The following PDE1A variants were observed in gnomAD, a reference collection of about 807,000 sequenced individuals.
The protein encoded by PDE1A is phosphodiesterase 1A, also known as dual specificity calcium/calmodulin-dependent 3',5'-cyclic nucleotide phosphodiesterase 1A.
Under a neutral mutation model 61.7 loss-of-function variants are expected in PDE1A, and 35 were observed. The ratio of observed to expected loss-of-function variants is 0.57; its 90% CI spans 0.43 to 0.75. PDE1A has a LOEUF of 0.75. Among genes scored for constraint, PDE1A ranks in the 30% least tolerant of loss-of-function variants. PDE1A has a pLI of 0.00. For missense variants in PDE1A, 597 were observed against 630.6 expected (o/e 0.95, Z 0.57); for synonymous variants, 232 against 213.2 (o/e 1.09, Z -0.77).
chr2:182,639,854 T>A, the PDE1A span, among the ~76,000 whole-genome samples: 1 of 148,118 alleles, frequency 6.8e-6, no homozygotes, highest in Non-Finnish European at 1.5e-5. Context: ...CTGAAACATA[T>A]AATTTATATA....
chr2:182,506,677 T>C (rs769075458), intron 2 of PDE1A, among the ~76,000 whole-genome samples: 1 of 152,242 alleles, frequency 6.6e-6, no homozygotes, highest in Admixed American at 6.5e-5. Context: ...AGAAGAAATA[T>C]GTAGGTGGGG....
At chr2:182,396,229 C>G (rs1701696874) in intron 1 of PDE1A, among the ~76,000 whole-genome samples, 1 of 152,222 alleles carries the variant, frequency 6.6e-6, no homozygotes, top group African/African-American at 2.4e-5. Flanking sequence ...CAAAAGAGGA[C>G]AGCTGCAGCA....
intron 2 of PDE1A, among the ~76,000 whole-genome samples, chr2:182,449,463 T>C (rs1035498888): frequency 6.6e-6 from 1 of 151,876 alleles, no homozygotes; most frequent in African/African-American, 2.4e-5. Flanking sequence ...GCTATAAGAA[T>C]AACCTCCCTC....
the PDE1A span, among the ~76,000 whole-genome samples, chr2:182,608,752 C>T: frequency 1.8e-4 from 28 of 152,360 alleles, no homozygotes; most frequent in African/African-American, 6.3e-4. Flanking sequence ...GCGCCCAGTC[C>T]CATCAACCGC....
intron 13 of PDE1A, among the ~76,000 whole-genome samples, chr2:182,152,223 G>A (rs1690822697): frequency 6.6e-6 from 1 of 151,900 alleles, no homozygotes; most frequent in South Asian, 2.1e-4. Context: ...AGTTTATGTT[G>A]CAGATAACTA....
At chr2:182,407,423 C>A (rs571743540) in intron 1 of PDE1A, among the ~76,000 whole-genome samples, 24 of 151,850 alleles carry the variant, frequency 1.6e-4, no homozygotes, top group Non-Finnish European at 3.5e-4. Flanking sequence ...GCTCTATTGC[C>A]CAGGCTGGAG....
intron 3 of PDE1A, among the ~76,000 whole-genome samples, chr2:182,234,887 G>A (rs1243937461): frequency 1.3e-5 from 2 of 152,194 alleles, no homozygotes; most frequent in Admixed American, 1.3e-4. Context: ...TAGTCTGGAA[G>A]CTAAATGTCA....
the PDE1A span, among the ~76,000 whole-genome samples, chr2:182,561,432 A>C: frequency 1.3e-5 from 2 of 152,186 alleles, no homozygotes; most frequent in East Asian, 3.8e-4. Flanking sequence ...TTTTGGTACC[A>C]GTACCATGCT....
At chr2:182,642,207 T>C in the PDE1A span, among the ~76,000 whole-genome samples, 3 of 152,210 alleles carry the variant, frequency 2.0e-5, no homozygotes, top group Non-Finnish European at 4.4e-5. Flanking sequence ...TAAGAAATAT[T>C]TGGGGCTCAA....
chr2:182,673,558 G>A, the PDE1A span, among the ~76,000 whole-genome samples: 3 of 152,116 alleles, frequency 2.0e-5, no homozygotes, highest in East Asian at 5.8e-4. Context: ...AAAATATGTA[G>A]TATATTGGGG....
downstream of PDE1A, among the ~76,000 whole-genome samples, chr2:182,164,915 C>T (rs1028727768): frequency 6.6e-6 from 1 of 152,078 alleles, no homozygotes; most frequent in Non-Finnish European, 1.5e-5. Context: ...CACTGCCATC[C>T]TATTCCACAC....
At chr2:182,596,679 C>CTGGA in the PDE1A span, among the ~76,000 whole-genome samples, 7,403 of 149,076 alleles carry the variant, frequency 0.05, 261 homozygotes, top group South Asian at 0.077. Context: ...GAATAATAAA[C>CTGGA]TGGATGGATG....
intron 2 of PDE1A, among the ~76,000 whole-genome samples, chr2:182,254,295 A>C (rs2125744569): frequency 6.6e-6 from 1 of 152,322 alleles, no homozygotes; most frequent in Non-Finnish European, 1.5e-5. Context: ...CAGGGTGAGA[A>C]CAGCCTACAA....
intron 2 of PDE1A, 87 bp downstream of exon 2, chr2:182,264,214 C>T (rs542417806): frequency 1.2e-6 from 1 of 829,608 alleles, no homozygotes; most frequent in East Asian, 2.5e-5. Flanking sequence ...ATGCTAAATT[C>T]CTGTTTGAGA....
chr2:182,673,712 G>A, the PDE1A span, among the ~76,000 whole-genome samples: 2 of 151,646 alleles, frequency 1.3e-5, no homozygotes, highest in Admixed American at 1.3e-4. Flanking sequence ...TCTTTAAATA[G>A]AATTGCCTTA....
chr2:182,667,129 C>T, the PDE1A span, among the ~76,000 whole-genome samples: 11 of 152,156 alleles, frequency 7.2e-5, no homozygotes, highest in Admixed American at 2.0e-4. Context: ...CACTAGGTGG[C>T]TCAAGTCAGG....
chr2:182,365,013 ACTGCTAGTTTTTCCAT>A (rs1179592713), intron 1 of PDE1A, among the ~76,000 whole-genome samples: 4 of 152,052 alleles, frequency 2.6e-5, no homozygotes, highest in Non-Finnish European at 4.4e-5. Context: ...CTGATTGAGG[ACTGCTAGTTTTTCCAT>A]TGGTTCTTAA....
At chr2:182,441,185 C>A (rs1432720144) in intron 2 of PDE1A, among the ~76,000 whole-genome samples, 1 of 151,992 alleles carries the variant, frequency 6.6e-6, no homozygotes, top group African/African-American at 2.4e-5. Context: ...ATTCACTACC[C>A]AAGAACTGTA....
chr2:182,424,462 T>TG (rs1346253193), intron 1 of PDE1A, among the ~76,000 whole-genome samples: 2 of 152,208 alleles, frequency 1.3e-5, no homozygotes, highest in East Asian at 3.9e-4. Flanking sequence ...GTCTAGTACA[T>TG]GGGTCTCTGA....
Sources: allele counts gnomAD v4.1 joint callset (sites outside exome capture counted in the v4.1 genomes callset), GRCh38; gene constraint gnomAD v4.1.1; transcripts MANE v1.5; gene names NCBI Gene and HGNC (gene_info 2026-07-23, HGNC 2026-07-21).